AFF3: variants seen among roughly 807,000 people sequenced by gnomAD.
AFF3 encodes ALF transcription elongation factor 3.
In AFF3, 32 loss-of-function variants were observed where a neutral mutation model predicts 129.7. The observed-to-expected ratio is 0.25, with a 90% CI of 0.19 to 0.33. AFF3 has a LOEUF of 0.33. Among genes scored for constraint, AFF3 ranks in the 10% least tolerant of loss-of-function variants. AFF3 has a pLI of 1.00. For synonymous variants in AFF3, 644 were observed against 635.4 expected, an observed-to-expected ratio of 1.01 and a Z score of -0.20; for missense variants, 1,373 against 1,592.0, an observed-to-expected ratio of 0.86 and a Z score of 2.34.
At chr2:99,611,945 G>T (rs903897082) in intron 13 of AFF3, among the ~76,000 whole-genome samples, 27 of 151,844 alleles carry the variant, frequency 1.8e-4, no homozygotes, top group Non-Finnish European at 3.4e-4. Context: ...TCACTACAGA[G>T]AACTGGCTTT....
At chr2:99,758,654 C>T (rs553672125) in intron 8 of AFF3, among the ~76,000 whole-genome samples, 228 of 150,258 alleles carry the variant, frequency 1.5e-3, no homozygotes, top group Middle Eastern at 3.5e-3. Context: ...GCAATGGTGA[C>T]GCTGAAGATG....
chr2:99,970,410 C>T (rs541606016), intron 7 of AFF3, among the ~76,000 whole-genome samples: 1 of 152,328 alleles, frequency 6.6e-6, no homozygotes, highest in African/African-American at 2.4e-5. Flanking sequence ...CCTCCCTCAC[C>T]TCCCGTTTCC....
At chr2:100,062,531 G>A (rs543250392) in intron 4 of AFF3, among the ~76,000 whole-genome samples, 70 of 152,296 alleles carry the variant, frequency 4.6e-4, no homozygotes, top group Middle Eastern at 3.4e-3. Flanking sequence ...GTGATCTCAC[G>A]TGATCTCTGG....
intron 2 of AFF3, 62 bp downstream of exon 2, chr2:100,129,162 C>T (rs1053950896): frequency 1.3e-5 from 2 of 152,184 alleles, no homozygotes; most frequent in African/African-American, 4.8e-5. Flanking sequence ...TCCCAAATGA[C>T]TTTTCCCCTC....
intron 7 of AFF3, among the ~76,000 whole-genome samples, chr2:99,902,982 C>G (rs1371880914): frequency 6.6e-6 from 1 of 152,098 alleles, no homozygotes; most frequent in Non-Finnish European, 1.5e-5. Context: ...AAAGAGCATT[C>G]TATATTGAAG....
chr2:99,923,078 T>G (rs1052867618), intron 7 of AFF3, among the ~76,000 whole-genome samples: 1 of 152,192 alleles, frequency 6.6e-6, no homozygotes. Flanking sequence ...ATACCACCTT[T>G]GGAAGAACTG....
At chr2:100,071,360 T>G (rs1688168306) in intron 4 of AFF3, among the ~76,000 whole-genome samples, 1 of 152,172 alleles carries the variant, frequency 6.6e-6, no homozygotes, top group African/African-American at 2.4e-5. Context: ...GGGGTTCAAG[T>G]CTCCGAATTC....
chr2:99,588,245 T>C (rs1052282847), intron 15 of AFF3, among the ~76,000 whole-genome samples: 2 of 152,068 alleles, frequency 1.3e-5, no homozygotes, highest in African/African-American at 4.8e-5. Flanking sequence ...GGTGCGATCA[T>C]GGCTCACTGC....
intron 24 of AFF3, among the ~76,000 whole-genome samples, chr2:99,553,678 C>A (rs931681959): frequency 6.6e-6 from 1 of 151,906 alleles, no homozygotes; most frequent in South Asian, 2.1e-4. Flanking sequence ...CTTTGGGAGG[C>A]TGAGGCAGGC....
chr2:99,732,094 C>T (rs1468202017), intron 10 of AFF3, among the ~76,000 whole-genome samples: 5 of 152,172 alleles, frequency 3.3e-5, no homozygotes, highest in Non-Finnish European at 5.9e-5. Context: ...GTGGCTCACG[C>T]CTGTAATCCC....
At chr2:99,717,299 A>G (rs1034981715) in intron 11 of AFF3, among the ~76,000 whole-genome samples, 1 of 152,198 alleles carries the variant, frequency 6.6e-6, no homozygotes, top group Non-Finnish European at 1.5e-5. Flanking sequence ...TATAAGAAAC[A>G]AACAGTTTTC....
intron 17 of AFF3, 62 bp downstream of exon 17, chr2:99,582,736 A>G: frequency 6.4e-7 from 1 of 1,563,060 alleles, no homozygotes; most frequent in African/African-American, 1.4e-5. Flanking sequence ...GGTTAGAGAC[A>G]GAGCTTGGGG....
intron 10 of AFF3, among the ~76,000 whole-genome samples, chr2:99,737,561 T>C (rs907348131): frequency 6.6e-6 from 1 of 152,106 alleles, no homozygotes; most frequent in African/African-American, 2.4e-5. Flanking sequence ...CAGGTGTAAG[T>C]TGGTTGAGTT....
In AFF3 at chr2:99,554,434, T is replaced by G; in HGVS notation, c.3436A>C (p.Thr1146Pro). 6.2e-7 allele frequency: 1 copy of G among 1,614,070 alleles called. No homozygotes were observed. The highest frequency in any genetic ancestry group is 8.5e-7 in the Non-Finnish European group (1 of 1,180,016). The stretch of plus-strand genomic sequence containing the variant: ...ATGCGCTGTGGGATGCTGACGATGG[T>G]CGACGGGGACAGGGCGCTGGCGTTG... ...LSNASALSPS[T>P]IVSIPQRIHQ... Residue 1146 changes from threonine to proline, a missense_variant, in exon 24 of 25, where the codon ACC (threonine) becomes CCC (proline). Around this residue, in one of 9 missense-constraint regions of AFF3, gnomAD observed 165 missense variants for 234.0 expected, o/e 0.71. Transcript: ENST00000672756.
At chr2:99,798,835 C>T (rs867766045) in intron 8 of AFF3, among the ~76,000 whole-genome samples, 1 of 151,820 alleles carries the variant, frequency 6.6e-6, no homozygotes, top group African/African-American at 2.4e-5. Flanking sequence ...ATAGACAGTC[C>T]CTTAATTATA....
chr2:99,632,262 G>A (rs1330208053), intron 13 of AFF3, among the ~76,000 whole-genome samples: 3 of 152,002 alleles, frequency 2.0e-5, no homozygotes, highest in South Asian at 2.1e-4. Context: ...TGATCTGCCC[G>A]CTTCGGCCTC....
At chr2:99,869,115 A>G (rs909095926) in intron 7 of AFF3, among the ~76,000 whole-genome samples, 10 of 152,240 alleles carry the variant, frequency 6.6e-5, no homozygotes, top group South Asian at 2.1e-4. Context: ...TATTTTTAAT[A>G]TAAGTTCCTA....
chr2:99,719,329 C>A (rs114913198), intron 11 of AFF3, among the ~76,000 whole-genome samples: 60 of 152,168 alleles, frequency 3.9e-4, no homozygotes, highest in Non-Finnish European at 6.6e-4. Flanking sequence ...TATTTTCATG[C>A]GTCACTGAAT....
chr2:100,054,610 G>A (rs1299770808), intron 4 of AFF3, among the ~76,000 whole-genome samples: 1 of 152,196 alleles, frequency 6.6e-6, no homozygotes, highest in Non-Finnish European at 1.5e-5. Context: ...CCAGCATGCT[G>A]AGTCATTCTG....
Sources: gnomAD v4.1 joint callset for allele counts (sites outside exome capture counted in the v4.1 genomes callset) on GRCh38, gnomAD v4.1.1 for gene constraint, gnomAD v4.1.1 regional missense constraint, MANE v1.5 for transcripts, NCBI Gene and HGNC (gene_info 2026-07-23, HGNC 2026-07-21) for gene names.